The following RTN4 variants were observed in gnomAD, a reference collection of about 807,000 sequenced individuals.
RTN4 encodes reticulon-4.
Under a neutral mutation model 90.4 loss-of-function variants are expected in RTN4, and 32 were observed. The ratio of observed to expected loss-of-function variants is 0.35; its 90% CI spans 0.27 to 0.48. The LOEUF (loss-of-function observed/expected upper bound fraction) is 0.48, where lower values mean the gene tolerates loss of function less well. Ranked by LOEUF, RTN4 falls within the 20% of genes least tolerant of loss-of-function variation. The probability of loss-of-function intolerance (pLI) is 0.99; values close to 1 mark genes in which losing one functional copy is unlikely to be tolerated. For synonymous variants in RTN4, 629 were observed against 552.5 expected (o/e 1.14, Z -1.94); for missense variants, 1,706 against 1,430.2 (o/e 1.19, Z -3.11).
the RTN4 span, among the ~76,000 whole-genome samples, chr2:55,136,217 C>CTA: frequency 6.6e-6 from 1 of 152,184 alleles, no homozygotes; most frequent in Non-Finnish European, 1.5e-5. Flanking sequence ...TTTCACTGGT[C>CTA]TATAACCTTC....
At chr2:54,998,948 C>A (rs1173975689) in intron 3 of RTN4, among the ~76,000 whole-genome samples, 1 of 152,022 alleles carries the variant, frequency 6.6e-6, no homozygotes, top group African/African-American at 2.4e-5. Context: ...TACAAGGTAA[C>A]CCTATTCTGT....
chr2:55,020,808 A>G (rs1186907418), intron 3 of RTN4, among the ~76,000 whole-genome samples: 1 of 152,096 alleles, frequency 6.6e-6, no homozygotes, highest in Admixed American at 6.5e-5. Flanking sequence ...CAGGAGTTTG[A>G]GACCAGCCTA....
chr2:55,019,531 GA>G (rs1681278988), intron 3 of RTN4, among the ~76,000 whole-genome samples: 1 of 152,134 alleles, frequency 6.6e-6, no homozygotes, highest in African/African-American at 2.4e-5. Context: ...GTGGTGCTAT[GA>G]GAGGGACACA....
At chr2:55,123,337 C>T in the RTN4 span, among the ~76,000 whole-genome samples, 3 of 152,088 alleles carry the variant, frequency 2.0e-5, no homozygotes, top group Admixed American at 6.5e-5. Flanking sequence ...AGGCTATCAT[C>T]AACTCTAAAT....
In RTN4 at chr2:55,035,554, G is replaced by C. The variant is rs180718620; in HGVS notation, c.557-7334C>G. Among the ~76,000 whole-genome samples the C allele has an allele frequency of 9.9e-5, 15 of 151,868 alleles. 1 individual carries two copies. Among genetic ancestry groups the C allele is most frequent in the Admixed American group, 9.8e-4 (15 of 15,254 alleles). Reference sequence around the variant, plus strand: ...GAAGTGTAAAGCTTCCACTTTAAAAGAGCAAGTTAAATCCAAACAAGTAAA... The same window carrying C: ...GAAGTGTAAAGCTTCCACTTTAAAACAGCAAGTTAAATCCAAACAAGTAAA... On this transcript the variant is annotated intron_variant, in intron 1 of 8. Transcript: ENST00000337526.
chr2:54,988,814 A>G (rs1176027395), intron 3 of RTN4, among the ~76,000 whole-genome samples: 2 of 152,248 alleles, frequency 1.3e-5, no homozygotes, highest in African/African-American at 4.8e-5. Context: ...GCTCTTGGAC[A>G]TGGCCACAGG....
intron 3 of RTN4, among the ~76,000 whole-genome samples, chr2:55,002,303 C>G (rs1679907152): frequency 6.6e-6 from 1 of 152,130 alleles, no homozygotes; most frequent in South Asian, 2.1e-4. Flanking sequence ...AAGCAGTCCT[C>G]CCACTGTGGC....
intron 2 of RTN4, 75 bp downstream of exon 2, chr2:55,028,089 T>C (rs1682037916): frequency 7.8e-7 from 1 of 1,284,048 alleles, no homozygotes; most frequent in Non-Finnish European, 1.1e-6. Context: ...CCCAAACTAC[T>C]CTGCATAGTG....
Position 54,972,315 on chromosome 2 carries a change from T to TAACA in RTN4, c.*837_*840dup, listed in dbSNP as rs894241122. ...ATTTTGTAATTAATAATTTCTTGCA[T>TAACA]AACAATGTTTGATATTTGCAAACAA... On this transcript the variant is annotated 3_prime_UTR_variant, in exon 9 of 9. Transcript: ENST00000337526. 4 of 152,652 alleles carry TAACA rather than the reference T, an allele frequency of 2.6e-5. No homozygotes were observed. Among genetic ancestry groups the TAACA allele is most frequent in the Non-Finnish European group, 2.9e-5 (2 of 68,024 alleles). 9.5% of individuals were successfully genotyped at this position (152,652 alleles called of 1,614,324 possible). A position where few individuals can be genotyped will look rare whatever the true frequency, so the allele number is the denominator to read the frequency against.
intron 5 of RTN4, among the ~76,000 whole-genome samples, chr2:54,981,188 C>T (rs755901357): frequency 2.6e-5 from 4 of 151,852 alleles, no homozygotes; most frequent in Non-Finnish European, 5.9e-5. Flanking sequence ...ATAAGAGATG[C>T]GGCTGGGCGC....
intron 1 of RTN4, among the ~76,000 whole-genome samples, chr2:55,103,081 G>A (rs1344090416): frequency 1.4e-5 from 2 of 141,932 alleles, no homozygotes; most frequent in African/African-American, 5.3e-5. Flanking sequence ...TCACACCATT[G>A]CACTCCAGCA....
At chr2:55,075,593 T>C (rs1288277377) in intron 2 of RTN4, among the ~76,000 whole-genome samples, 1 of 152,084 alleles carries the variant, frequency 6.6e-6, no homozygotes, top group Non-Finnish European at 1.5e-5. Context: ...GAAACAATCC[T>C]AAAATTCATA....
intron 1 of RTN4, among the ~76,000 whole-genome samples, chr2:55,081,882 T>G (rs201527071): frequency 7.9e-5 from 5 of 63,590 alleles, no homozygotes; most frequent in Non-Finnish European, 1.0e-4. Flanking sequence ...AAAAAAAAAA[T>G]GAGTGAGAGA....
Position 55,050,347 on chromosome 2 carries a change from G to T in RTN4, c.-47C>A, listed in dbSNP as rs756279526. The T allele has an allele frequency of 8.5e-6, 11 of 1,295,816 alleles. No homozygotes were observed. Among genetic ancestry groups the T allele is most frequent in the Non-Finnish European group, 1.1e-5 (11 of 996,728 alleles). The allele number at this position is 1,295,816 out of a possible 1,614,324, so 80.3% of individuals were successfully genotyped here. Reference sequence around the variant, plus strand: ...CTGCAGCTGCTGCCGCCGCCGCCGGGGCCGCGTCTCAGAGCCGCGGGCGGT... The same window carrying T: ...CTGCAGCTGCTGCCGCCGCCGCCGGTGCCGCGTCTCAGAGCCGCGGGCGGT... On this transcript the variant is annotated 5_prime_UTR_variant, in exon 1 of 9. Transcript: ENST00000337526. The surrounding 1 kb of genome is among the most constrained non-coding windows in gnomAD (Gnocchi z 4.6).
intron 3 of RTN4, among the ~76,000 whole-genome samples, chr2:55,007,618 C>T (rs1159218173): frequency 1.3e-5 from 2 of 152,030 alleles, no homozygotes; most frequent in Non-Finnish European, 2.9e-5. Flanking sequence ...CACTGTTTCC[C>T]GAATTTGCCC....
the RTN4 span, among the ~76,000 whole-genome samples, chr2:55,129,879 A>G: frequency 6.6e-6 from 1 of 152,194 alleles, no homozygotes; most frequent in East Asian, 1.9e-4. Flanking sequence ...TTTTAAAAAA[A>G]GAAAAAAGAG....
At chr2:55,108,887 A>G (rs1403021195) in intron 1 of RTN4, among the ~76,000 whole-genome samples, 1 of 152,166 alleles carries the variant, frequency 6.6e-6, no homozygotes, top group East Asian at 1.9e-4. Context: ...TATTCCTCAC[A>G]GAATAATTCC....
intron 2 of RTN4, among the ~76,000 whole-genome samples, chr2:55,059,434 G>A (rs1356512892): frequency 6.6e-6 from 1 of 151,822 alleles, no homozygotes; most frequent in Non-Finnish European, 1.5e-5. Flanking sequence ...GCTCACTGTA[G>A]CCTCAACACC....
At chr2:55,063,853 C>G (rs1438839904) in intron 2 of RTN4, among the ~76,000 whole-genome samples, 1 of 151,202 alleles carries the variant, frequency 6.6e-6, no homozygotes, top group African/African-American at 2.4e-5. Context: ...GTACTCCAGC[C>G]TGGGCAACAG....
Sources: allele counts gnomAD v4.1 joint callset (sites outside exome capture counted in the v4.1 genomes callset), GRCh38; gene constraint gnomAD v4.1.1; non-coding constraint Gnocchi (gnomAD v3.1); transcripts MANE v1.5; gene names NCBI Gene and HGNC (gene_info 2026-07-23, HGNC 2026-07-21).